The following ABCG1 variants were observed in gnomAD, a reference collection of about 807,000 sequenced individuals.
The protein encoded by ABCG1 is ATP-binding cassette sub-family G member 1.
In ABCG1, 29 loss-of-function variants were observed where a neutral mutation model predicts 69.2. That is an observed-to-expected ratio of 0.42 (90% confidence interval 0.31 to 0.57). ABCG1 has a LOEUF of 0.57. ABCG1 is among the 20% of genes least tolerant of loss of function. The pLI, the probability that ABCG1 is intolerant of heterozygous loss-of-function variation, is 0.15. For missense variants in ABCG1, 718 were observed against 898.1 expected, an observed-to-expected ratio of 0.80 and a Z score of 2.56; for synonymous variants, 370 against 374.8, an observed-to-expected ratio of 0.99 and a Z score of 0.15.
intron 1 of ABCG1, among the ~76,000 whole-genome samples, chr21:42,220,210 T>C (rs900689125): frequency 1.3e-5 from 2 of 152,192 alleles, no homozygotes; most frequent in African/African-American, 4.8e-5. Context: ...GTAGCTAAAG[T>C]ACAAATGGAA....
chr21:42,276,085 C>T lies in ABCG1; in HGVS notation c.538-810C>T, dbSNP rs1601429565. On this transcript the variant is annotated intron_variant, in intron 4 of 14. Coordinates refer to ENST00000398449, the MANE Select transcript of ABCG1 (RefSeq NM_016818.3). The surrounding 1 kb of genome is among the most constrained non-coding windows in gnomAD (Gnocchi z 5.3). Reference sequence around the variant, plus strand: ...AGCTAATGAGGTGGACAGAGCTTAACCTCACCATTGTGCCAGTGAGGAAAT... The same window carrying T: ...AGCTAATGAGGTGGACAGAGCTTAATCTCACCATTGTGCCAGTGAGGAAAT... Among the ~76,000 whole-genome samples, 2 of 150,242 alleles carry T rather than the reference C, an allele frequency of 1.3e-5. No individual in the cohort carries two copies. Among genetic ancestry groups the T allele is most frequent in the African/African-American group, 4.9e-5 (2 of 40,810 alleles).
At chr21:42,281,335 C>T (rs1210807101) in intron 5 of ABCG1, among the ~76,000 whole-genome samples, 1 of 152,126 alleles carries the variant, frequency 6.6e-6, no homozygotes, top group African/African-American at 2.4e-5. Flanking sequence ...GTGGGCTGTC[C>T]CCAGGGTAGG....
At chr21:42,232,580 A>T (rs1288143592) in intron 2 of ABCG1, among the ~76,000 whole-genome samples, 2 of 152,136 alleles carry the variant, frequency 1.3e-5, no homozygotes, top group Non-Finnish European at 2.9e-5. Flanking sequence ...ACTCTGTAGG[A>T]CTGTGCTCTG....
chr21:42,290,589 G>A (rs2069037896), intron 11 of ABCG1, among the ~76,000 whole-genome samples: 1 of 152,182 alleles, frequency 6.6e-6, no homozygotes, highest in Non-Finnish European at 1.5e-5. Context: ...AGCTCTCTTA[G>A]ATGGATATCC....
chr21:42,255,381 T>C (rs2123665056), intron 2 of ABCG1, among the ~76,000 whole-genome samples: 1 of 152,210 alleles, frequency 6.6e-6, no homozygotes, highest in Non-Finnish European at 1.5e-5. Context: ...CACATGTGTG[T>C]ATATGGGTAG....
rs765728081 is a variant in ABCG1, at chr21:42,282,539, C to T, written c.734+120C>T. The T allele has an allele frequency of 2.8e-4, 342 of 1,221,082 alleles. 1 individual carries two copies. Among genetic ancestry groups the T allele is most frequent in the Non-Finnish European group, 3.6e-4 (324 of 900,390 alleles). 75.6% of individuals were successfully genotyped at this position (1,221,082 alleles called of 1,614,324 possible). A position where few individuals can be genotyped will look rare whatever the true frequency, so the allele number is the denominator to read the frequency against. ...TCAGAGGGGGTGAGTTGAGCTCACC[C>T]GGCGGTTCCTCCTTCCATCTGGGAC... On this transcript the variant is annotated intron_variant, in intron 6 of 14. Transcript: ENST00000398449.
intron 2 of ABCG1, chr21:42,259,642 AG>A: frequency 7.0e-7 from 1 of 1,433,958 alleles, no homozygotes; most frequent in African/African-American, 1.4e-5. Flanking sequence ...AAAACTGACA[AG>A]GTTGCTAGAG....
chr21:42,296,543 C>T lies in ABCG1; in HGVS notation c.*151C>T. ...GTTGGGTTTGTGGGTGTCTCGTGCT[C>T]AGCCACTCTGCCCAGCTGGGTTGGA... is the stretch of plus-strand genomic sequence containing the variant. On this transcript the variant is annotated 3_prime_UTR_variant, in exon 15 of 15. Transcript: ENST00000398449. The surrounding 1 kb of genome is among the most constrained non-coding windows in gnomAD (Gnocchi z 5.4). The T allele has an allele frequency of 1.5e-6, 1 of 668,906 alleles. No homozygotes were observed. The highest frequency in any genetic ancestry group is 1.8e-5 in the South Asian group (1 of 56,536). The allele number at this position is 668,906 out of a possible 1,614,324, so 41.4% of individuals were successfully genotyped here.
intron 2 of ABCG1, among the ~76,000 whole-genome samples, chr21:42,237,317 C>G (rs1211356640): frequency 1.3e-5 from 2 of 152,248 alleles, no homozygotes; most frequent in East Asian, 1.9e-4. Flanking sequence ...CGCAGCCACT[C>G]CCCATGGGCT....
chr21:42,289,902 G>C (rs1164142136), intron 10 of ABCG1, 148 bp from the exon 11 acceptor site: 3 of 775,198 alleles, frequency 3.9e-6, no homozygotes. Flanking sequence ...GGTTTGGCTT[G>C]TTTCTCTGGA....
At chr21:42,259,504 A>G in intron 2 of ABCG1, 1 of 1,546,470 alleles carries the variant, frequency 6.5e-7, no homozygotes, top group Non-Finnish European at 8.7e-7. Flanking sequence ...CGTCCACTCA[A>G]GGTGCATTGA....
At chr21:42,240,379 C>T (rs1358513098) in intron 2 of ABCG1, among the ~76,000 whole-genome samples, 3 of 152,218 alleles carry the variant, frequency 2.0e-5, no homozygotes, top group African/African-American at 7.2e-5. Flanking sequence ...CTGCCTAGGG[C>T]CATGGCCCTT....
intron 2 of ABCG1, among the ~76,000 whole-genome samples, chr21:42,243,304 CG>C (rs2068078763): frequency 6.6e-6 from 1 of 152,122 alleles, no homozygotes; most frequent in African/African-American, 2.4e-5. Context: ...GTACCTTCCT[CG>C]GGGGTGGTGG....
chr21:42,204,272 C>T (rs984824634), intron 2 of ABCG1, among the ~76,000 whole-genome samples: 3 of 152,076 alleles, frequency 2.0e-5, no homozygotes, highest in Non-Finnish European at 4.4e-5. Flanking sequence ...GCTGGAAATT[C>T]CAGCATCATG....
In ABCG1 at chr21:42,225,711, C is replaced by A; in HGVS notation, c.83C>A (p.Ser28Ter). The A allele has an allele frequency of 6.2e-7, 1 of 1,613,410 alleles. No homozygotes were observed. The highest frequency in any genetic ancestry group is 8.5e-7 in the Non-Finnish European group (1 of 1,179,910). ...TCTGCAGAGATGACGGAGCCCAAGT[C>A]GGTGTGTGTCTCGGTGGATGAGGTG... ...SYSAEMTEPK[S>*]VCVSVDEVVS... is the part of the protein sequence containing the mutation. Residue 28 changes from serine to a stop codon, truncating the protein, a stop_gained, in exon 2 of 15, where the codon TCG becomes TAG. Transcript: ENST00000398449. LOFTEE classifies it high-confidence loss of function.
intron 11 of ABCG1, 106 bp downstream of exon 11, chr21:42,290,324 GT>G: frequency 1.5e-6 from 2 of 1,310,510 alleles, no homozygotes; most frequent in Non-Finnish European, 2.1e-6. Flanking sequence ...TAAACACAAT[GT>G]TTTTGTTTTT....
intron 6 of ABCG1, among the ~76,000 whole-genome samples, chr21:42,283,033 G>A (rs1002139023): frequency 6.6e-6 from 1 of 152,204 alleles, no homozygotes; most frequent in African/African-American, 2.4e-5. Context: ...CCAGCCGCAG[G>A]TTGAGCTCGC....
chr21:42,271,221 C>G (rs1211425610), intron 3 of ABCG1, 34 bp downstream of exon 3: 2 of 1,406,500 alleles, frequency 1.4e-6, no homozygotes, highest in African/African-American at 1.5e-5. Context: ...AAAGTTCTCT[C>G]CCGGGTGTCA....
At position 42,276,781 on chromosome 21, in the gene ABCG1, C is replaced by T. The variant is rs1448433179; in HGVS notation, c.538-114C>T. 9.3e-7 allele frequency: 1 copy of T among 1,069,618 alleles called. No individual in the cohort carries two copies. The highest frequency in any genetic ancestry group is 1.4e-6 in the Non-Finnish European group (1 of 703,840). 66.3% of individuals were successfully genotyped at this position (1,069,618 alleles called of 1,614,324 possible). A position where few individuals can be genotyped will look rare whatever the true frequency, so the allele number is the denominator to read the frequency against. ...GGTAGCTGCACCGTGGCTAGTGGCA[C>T]TGTGGCTAGCTGCATCTTGGCTAGC... On this transcript the variant is annotated intron_variant, in intron 4 of 14. Transcript: ENST00000398449. The surrounding 1 kb of genome is among the most constrained non-coding windows in gnomAD (Gnocchi z 5.3).
Sources: allele counts gnomAD v4.1 joint callset (sites outside exome capture counted in the v4.1 genomes callset), GRCh38; gene constraint gnomAD v4.1.1; non-coding constraint Gnocchi (gnomAD v3.1); transcripts MANE v1.5; gene names NCBI Gene and HGNC (gene_info 2026-07-23, HGNC 2026-07-21).